The following AHDC1 variants were observed in gnomAD, a reference collection of about 807,000 sequenced individuals.
AHDC1 encodes transcription factor Gibbin.
A neutral mutation model predicts 87.9 loss-of-function variants in AHDC1; 7 were observed. The ratio of observed to expected loss-of-function variants is 0.08; its 90% confidence interval spans 0.05 to 0.15. AHDC1 has a LOEUF of 0.15. Among genes scored for constraint, AHDC1 ranks in the 10% least tolerant of loss-of-function variants. AHDC1 has a pLI of 1.00. For missense variants in AHDC1, 1,841 were observed against 2,253.2 expected (o/e 0.82, Z 3.70); for synonymous variants, 1,051 against 1,006.8 (o/e 1.04, Z -0.83).
At chr1:27,591,719 G>A (rs1022669488) in intron 3 of AHDC1, among the ~76,000 whole-genome samples, 1 of 152,152 alleles carries the variant, frequency 6.6e-6, no homozygotes, top group South Asian at 2.1e-4. Flanking sequence ...ATACAGACCC[G>A]GATTAATGCC....
In AHDC1 at chr1:27,575,470, C is replaced by G. The variant is rs986599220; in HGVS notation, c.-628-16587G>C. 5.3e-5 allele frequency among the ~76,000 whole-genome samples: 8 copies of G among 152,232 alleles called. No individual in the cohort carries two copies. In the South Asian group the frequency reaches 8.3e-4, roughly 16 times the overall value. ...GGGGCCGGGCGGCGAGGTCTCCCCC[C>G]ACCACCCTCGCCGCGGAGGCGCCCC... is the stretch of plus-strand genomic sequence containing the variant. On this transcript the variant is annotated intron_variant, in intron 3 of 8. Transcript: ENST00000673934.
chr1:27,582,407 A>G (rs541399625), intron 3 of AHDC1, among the ~76,000 whole-genome samples: 45 of 152,242 alleles, frequency 3.0e-4, no homozygotes, highest in Non-Finnish European at 4.9e-4. Context: ...AAAACCTGCT[A>G]TACAAATAAG....
chr1:27,595,425 G>A lies in AHDC1; in HGVS notation c.-629+7972C>T, dbSNP rs2089342235. ...CTGGCAGTGTTGGGGTTGGATAGGG[G>A]GTTGATATGCTGAGGGTGTGATAGC... On this transcript the variant is annotated intron_variant, in intron 3 of 8. Coordinates refer to ENST00000673934, the MANE Select transcript of AHDC1 (RefSeq NM_001371928.1). The surrounding 1 kb of genome is among the most constrained non-coding windows in gnomAD (Gnocchi z 4.0). 6.7e-6 allele frequency among the ~76,000 whole-genome samples: 1 copy of A among 150,296 alleles called. No individual in the cohort carries two copies. Among genetic ancestry groups the A allele is most frequent in the Non-Finnish European group, 1.5e-5 (1 of 67,630 alleles).
At chr1:27,592,683 C>G (rs1243937989) in intron 3 of AHDC1, among the ~76,000 whole-genome samples, 3 of 152,130 alleles carry the variant, frequency 2.0e-5, no homozygotes, top group Admixed American at 2.0e-4. Context: ...CTTGACCACC[C>G]TTGCACCCCT....
At chr1:27,535,723 G>C in intron 8 of AHDC1, among the ~76,000 whole-genome samples, 1 of 152,236 alleles carries the variant, frequency 6.6e-6, no homozygotes, top group Non-Finnish European at 1.5e-5. Context: ...CTGAAGCTCA[G>C]ACACTCCCAA....
In AHDC1 at chr1:27,547,870, G is replaced by A. The variant is rs2019264585; in HGVS notation, c.4246C>T (p.Pro1416Ser). 6.5e-7 allele frequency: 1 copy of A among 1,549,960 alleles called. No individual in the cohort carries two copies. The highest frequency in any genetic ancestry group is 8.7e-7 in the Non-Finnish European group (1 of 1,145,222). Residue 1416 changes from proline (P) to serine (S), a missense_variant, in exon 8 of 9, where the codon CCC becomes TCC. Pro to Ser is a moderately conservative substitution (Grantham distance 74). Transcript: ENST00000673934. This position sits in a 1 kb window ranked among gnomAD's most constrained non-coding sequence, Gnocchi z 4.9. The part of the protein sequence containing the change: ...LGFKEELRPP[P>S]TKLAACEPLK... The stretch of plus-strand genomic sequence containing the variant: ...GGCTCGCAGGCAGCCAGCTTTGTGG[G>A]CGGTGGCCGCAGCTCTTCCTTGAAG...
At chr1:27,573,475 T>C (rs2088608724) in intron 3 of AHDC1, among the ~76,000 whole-genome samples, 1 of 152,110 alleles carries the variant, frequency 6.6e-6, no homozygotes, top group Non-Finnish European at 1.5e-5. Flanking sequence ...AACCGACTAG[T>C]TGGGAGGGGA....
rs564965037 is a variant in AHDC1 at position 27,564,317 on chromosome 1, C to T, written c.-628-5434G>A. ...GGAAGGGGCCGCAGTGAGAGAAGTG[C>T]CAGGGTCAGAAAGAAGAAGCTGAAG... On this transcript the variant is annotated intron_variant, in intron 3 of 8. Transcript: ENST00000673934. Among the ~76,000 whole-genome samples the T allele has an allele frequency of 7.7e-4, 117 of 152,150 alleles. 1 individual carries two copies. Among genetic ancestry groups the T allele is most frequent in the South Asian group, 6.7e-3 (32 of 4,812 alleles).
At chr1:27,556,778 C>T (rs1039192950) in intron 5 of AHDC1, among the ~76,000 whole-genome samples, 7 of 152,170 alleles carry the variant, frequency 4.6e-5, no homozygotes, top group African/African-American at 1.7e-4. Context: ...AGCGCCCTCC[C>T]CTGCAGCCTC....
At chr1:27,602,294 C>G (rs2089551288) in intron 3 of AHDC1, among the ~76,000 whole-genome samples, 1 of 152,126 alleles carries the variant, frequency 6.6e-6, no homozygotes, top group African/African-American at 2.4e-5. Flanking sequence ...GCTCTGTGCC[C>G]GCTGCCCGCC....
At chr1:27,538,755 A>T (rs1571205624) in intron 8 of AHDC1, among the ~76,000 whole-genome samples, 1 of 152,116 alleles carries the variant, frequency 6.6e-6, no homozygotes, top group South Asian at 2.1e-4. Flanking sequence ...ACTCAAGCAA[A>T]CCACCTGCCT....
In AHDC1 at chr1:27,549,198, C is replaced by A; in HGVS notation, c.2918G>T (p.Gly973Val). Residue 973 changes from glycine to valine, a missense_variant, in exon 8 of 9, where the codon GGC (glycine) becomes GTC (valine). By Grantham distance (109) the Gly-to-Val change is moderately radical. Around this residue, in one of 13 missense-constraint regions of AHDC1, gnomAD observed 378 missense variants for 399.0 expected, o/e 0.95. Transcript: ENST00000673934. ...GAATACGCTTTGTCCGGCCCCATAG[C>A]CGCCGTACTGGGGCAGGTAGGTGTT... ...PANTYLPQYG[G>V]YGAGQSVFAP... is the part of the protein sequence containing the mutation. 1 of 1,596,016 alleles carries A rather than the reference C, an allele frequency of 6.3e-7. No individual in the cohort carries two copies. Among genetic ancestry groups the A allele is most frequent in the African/African-American group, 1.3e-5 (1 of 74,834 alleles).
intron 3 of AHDC1, among the ~76,000 whole-genome samples, chr1:27,585,662 C>T (rs2089033961): frequency 6.6e-6 from 1 of 152,088 alleles, no homozygotes; most frequent in Admixed American, 6.6e-5. Context: ...TTCGAGAAGC[C>T]CCTTGTGGCA....
chr1:27,562,422 G>C lies in AHDC1; in HGVS notation c.-628-3539C>G, dbSNP rs1266325307. ...AGCCTTAATTAGTTTAACAGTTTCA[G>C]GGGCAGGAGAGGCAGGAAATAGGGT... On this transcript the variant is annotated intron_variant, in intron 3 of 8. Transcript: ENST00000673934. The surrounding 1 kb of genome is among the most constrained non-coding windows in gnomAD (Gnocchi z 4.4). Among the ~76,000 whole-genome samples the C allele has an allele frequency of 2.0e-5, 3 of 152,058 alleles. No homozygotes were observed. The highest frequency in any genetic ancestry group is 4.4e-5 in the Non-Finnish European group (3 of 67,984).
chr1:27,547,872 G>A lies in AHDC1; in HGVS notation c.4244C>T (p.Pro1415Leu), dbSNP rs141082682. ...CTCGCAGGCAGCCAGCTTTGTGGGC[G>A]GTGGCCGCAGCTCTTCCTTGAAGCC... is the stretch of plus-strand genomic sequence containing the variant. ...TLGFKEELRPPPTKLAACEPL... is the reference protein window; with the variant it reads ...TLGFKEELRPLPTKLAACEPL... Residue 1415 changes from proline to leucine, a missense_variant, in exon 8 of 9, where the codon CCG becomes CTG. Pro to Leu is a moderately conservative substitution (Grantham distance 98, BLOSUM62 -3). Coordinates refer to ENST00000673934, the MANE Select transcript of AHDC1 (RefSeq NM_001371928.1). This position sits in a 1 kb window ranked among gnomAD's most constrained non-coding sequence, Gnocchi z 4.9. The A allele has an allele frequency of 3.5e-5, 55 of 1,549,542 alleles. No individual in the cohort carries two copies. Among genetic ancestry groups the A allele is most frequent in the South Asian group, 2.1e-4 (17 of 81,652 alleles).
At position 27,595,902 on chromosome 1, in the gene AHDC1, G is replaced by A. The variant is rs2089358013; in HGVS notation, c.-629+7495C>T. Among the ~76,000 whole-genome samples, 1 of 151,956 alleles carries A rather than the reference G, an allele frequency of 6.6e-6. No individual in the cohort carries two copies. Among genetic ancestry groups the A allele is most frequent in the African/African-American group, 2.4e-5 (1 of 41,314 alleles). On this transcript the variant is annotated intron_variant, in intron 3 of 8. Coordinates refer to ENST00000673934, the MANE Select transcript of AHDC1 (RefSeq NM_001371928.1). This position sits in a 1 kb window ranked among gnomAD's most constrained non-coding sequence, Gnocchi z 4.0. ...CGGGGGGTATCTGTATGTAGAGTGT[G>A]TGTGTGGAAGTGTGTGGGCTGGGTG... is the stretch of plus-strand genomic sequence containing the variant.
rs376056053 is a variant in AHDC1 at position 27,537,119 on chromosome 1, GA to G, written c.*44-2204del. Among the ~76,000 whole-genome samples, 75 of 152,292 alleles carry G rather than the reference GA, an allele frequency of 4.9e-4. 1 individual carries two copies. The highest frequency in any genetic ancestry group is 7.8e-4 in the Non-Finnish European group (53 of 68,020). ...GGATGGGAAGGAGCGGGGGAGGGGG[GA>G]AATCAAAGCCCAAAAGCCCCAGGGT... is the stretch of plus-strand genomic sequence containing the variant. On this transcript the variant is annotated intron_variant, in intron 8 of 8. Transcript: ENST00000673934.
At position 27,550,698 on chromosome 1, in the gene AHDC1, C is replaced by T. The variant is rs559224523; in HGVS notation, c.1418G>A (p.Arg473His). 21 of 1,610,404 alleles carry T rather than the reference C, an allele frequency of 1.3e-5. No homozygotes were observed. The South Asian group carries it at 1.5e-4, about 12-fold the overall frequency. Residue 473 changes from arginine (R) to histidine (H), a missense_variant, in exon 8 of 9, where the codon CGC becomes CAC. Arg to His is a conservative substitution (Grantham distance 29, BLOSUM62 0). Coordinates refer to ENST00000673934, the MANE Select transcript of AHDC1 (RefSeq NM_001371928.1). ...GATCTTGGCCATCTTCACCACCATGCGCCGCACGCCCCGGCACTTGCCTTT... is the reference window on the plus strand; with the variant it reads ...GATCTTGGCCATCTTCACCACCATGTGCCGCACGCCCCGGCACTTGCCTTT... ...TRKGKCRGVRRMVVKMAKIPV... is the reference protein window; with the variant it reads ...TRKGKCRGVRHMVVKMAKIPV...
chr1:27,574,680 AAGATGCCTGCTG>A (rs2088653500), intron 3 of AHDC1, among the ~76,000 whole-genome samples: 1 of 152,178 alleles, frequency 6.6e-6, no homozygotes, highest in Non-Finnish European at 1.5e-5. Context: ...TCAGATGGGG[AAGATGCCTGCTG>A]AGTTGCCAAA....
Sources: gnomAD v4.1 joint callset for allele counts (sites outside exome capture counted in the v4.1 genomes callset) on GRCh38, gnomAD v4.1.1 for gene constraint, gnomAD v4.1.1 regional missense constraint, Gnocchi (gnomAD v3.1) non-coding constraint, MANE v1.5 for transcripts, NCBI Gene and HGNC (gene_info 2026-07-23, HGNC 2026-07-21) for gene names.